The following IQCH variants were observed in gnomAD, a reference collection of about 807,000 sequenced individuals.
The protein encoded by IQCH is IQ domain-containing protein H.
Under a neutral mutation model 117.0 loss-of-function variants are expected in IQCH, and 98 were observed. That is an observed-to-expected ratio of 0.84 (90% confidence interval 0.71 to 0.99). The LOEUF (loss-of-function observed/expected upper bound fraction) is 0.99, where lower values mean the gene tolerates loss of function less well. Ranked by LOEUF, IQCH falls within the 50% of genes least tolerant of loss-of-function variation. The pLI, the probability that IQCH is intolerant of heterozygous loss-of-function variation, is 0.00. For synonymous variants in IQCH, 412 were observed against 448.2 expected (o/e 0.92, Z 1.02); for missense variants, 1,102 against 1,243.8 (o/e 0.89, Z 1.72).
rs1389874768 is a variant in IQCH at position 67,388,529 on chromosome 15, TG to T, written c.1457-300del. ...CCCATTGATGTTAATGGGAGTTGTGTGGCTAAATCCCTATGTATTATTTGAA... is the reference window on the plus strand; with the variant it reads ...CCCATTGATGTTAATGGGAGTTGTGTGCTAAATCCCTATGTATTATTTGAA... On this transcript the variant is annotated intron_variant, in intron 11 of 20. Coordinates refer to ENST00000335894, the MANE Select transcript of IQCH (RefSeq NM_001031715.3). The surrounding 1 kb of genome is among the most constrained non-coding windows in gnomAD (Gnocchi z 5.5). Among the ~76,000 whole-genome samples, 2 of 152,238 alleles carry T rather than the reference TG, an allele frequency of 1.3e-5. No individual in the cohort carries two copies. Among genetic ancestry groups the T allele is most frequent in the African/African-American group, 4.8e-5 (2 of 41,472 alleles).
At chr15:67,488,130 A>G (rs2083544630) in intron 18 of IQCH, among the ~76,000 whole-genome samples, 1 of 152,118 alleles carries the variant, frequency 6.6e-6, no homozygotes, top group Admixed American at 6.5e-5. Flanking sequence ...CTAAGCAACA[A>G]GGCAAAACCC....
Position 67,474,734 on chromosome 15 carries a change from T to C in IQCH, c.2677-962T>C, listed in dbSNP as rs1339367053. Among the ~76,000 whole-genome samples, 2 of 152,170 alleles carry C rather than the reference T, an allele frequency of 1.3e-5. No homozygotes were observed. Among genetic ancestry groups the C allele is most frequent in the East Asian group, 3.8e-4 (2 of 5,196 alleles). ...TGACTTGCTGCCAAAGGTTAAAGTA[T>C]GGGAAGAGTGGGAAAATATCTTTAC... On this transcript the variant is annotated intron_variant, in intron 17 of 20. Transcript: ENST00000335894. This position sits in a 1 kb window ranked among gnomAD's most constrained non-coding sequence, Gnocchi z 4.1.
At chr15:67,486,259 C>G (rs1854204981) in intron 18 of IQCH, among the ~76,000 whole-genome samples, 1 of 151,432 alleles carries the variant, frequency 6.6e-6, no homozygotes, top group Admixed American at 6.6e-5. Context: ...AGGCTGGTCT[C>G]AAACTCCTGA....
Position 67,395,246 on chromosome 15 carries a change from G to GA in IQCH, c.1633-39dup, listed in dbSNP as rs1418819915. ...CATTATAAATTAGGTGTATGGACTA[G>GA]AAAAAAGGACACCTTTTAACAAGAA... On this transcript the variant is annotated intron_variant, in intron 12 of 20. Transcript: ENST00000335894. This position sits in a 1 kb window ranked among gnomAD's most constrained non-coding sequence, Gnocchi z 4.0. 1.3e-6 allele frequency: 2 copies of GA among 1,581,568 alleles called. No individual in the cohort carries two copies.
chr15:67,490,157 C>T lies in IQCH; in HGVS notation c.2861+93C>T. ...GATGCTTCTCATGCATTTTAATCAGCATGCTGATTTATTAGAAGTCTATCT... is the reference window on the plus strand; with the variant it reads ...GATGCTTCTCATGCATTTTAATCAGTATGCTGATTTATTAGAAGTCTATCT... On this transcript the variant is annotated intron_variant, in intron 19 of 20. Coordinates refer to ENST00000335894, the MANE Select transcript of IQCH (RefSeq NM_001031715.3). This position sits in a 1 kb window ranked among gnomAD's most constrained non-coding sequence, Gnocchi z 4.9. 2 of 854,432 alleles carry T rather than the reference C, an allele frequency of 2.3e-6. No individual in the cohort carries two copies. The highest frequency in any genetic ancestry group is 3.9e-6 in the Non-Finnish European group (2 of 511,482). 52.9% of individuals were successfully genotyped at this position (854,432 alleles called of 1,614,324 possible). A position where few individuals can be genotyped will look rare whatever the true frequency, so the allele number is the denominator to read the frequency against.
At chr15:67,336,850 A>T (rs908070625) in intron 4 of IQCH, 125 bp from the exon 5 acceptor site, 14 of 826,986 alleles carry the variant, frequency 1.7e-5, no homozygotes, top group Non-Finnish European at 2.6e-5. Flanking sequence ...ATAAAATTGG[A>T]GCTGATATTG....
chr15:67,310,472 A>G (rs1362079965), intron 4 of IQCH, among the ~76,000 whole-genome samples: 1 of 152,152 alleles, frequency 6.6e-6, no homozygotes, highest in Non-Finnish European at 1.5e-5. Context: ...ATATGTGTGA[A>G]GGTCATAAAG....
chr15:67,352,867 A>G (rs1387922052), intron 6 of IQCH, among the ~76,000 whole-genome samples: 3 of 152,110 alleles, frequency 2.0e-5, no homozygotes, highest in African/African-American at 7.2e-5. Flanking sequence ...TCCATTGTTT[A>G]TATGCATTTA....
At chr15:67,329,203 G>A (rs979840661) in intron 4 of IQCH, among the ~76,000 whole-genome samples, 1 of 151,882 alleles carries the variant, frequency 6.6e-6, no homozygotes, top group Non-Finnish European at 1.5e-5. Flanking sequence ...AGAGGCTGAG[G>A]TAGGAGGATT....
In IQCH at chr15:67,490,912, C is replaced by G. The variant is rs2083636311; in HGVS notation, c.2861+848C>G. 6.6e-6 allele frequency among the ~76,000 whole-genome samples: 1 copy of G among 152,198 alleles called. No homozygotes were observed. Among genetic ancestry groups the G allele is most frequent in the Non-Finnish European group, 1.5e-5 (1 of 68,036 alleles). Reference sequence around the variant, plus strand: ...GATATTTTGGAGCCTAGCAAAGCCTCCTATCTAGGACTCAGAATTTTAGAG... The same window carrying G: ...GATATTTTGGAGCCTAGCAAAGCCTGCTATCTAGGACTCAGAATTTTAGAG... On this transcript the variant is annotated intron_variant, in intron 19 of 20. Coordinates refer to ENST00000335894, the MANE Select transcript of IQCH (RefSeq NM_001031715.3). This position sits in a 1 kb window ranked among gnomAD's most constrained non-coding sequence, Gnocchi z 4.9.
Position 67,401,743 on chromosome 15 carries a change from TA to T in IQCH, c.2097+1439del, listed in dbSNP as rs1184500676. On this transcript the variant is annotated intron_variant, in intron 14 of 20. Transcript: ENST00000335894. The surrounding 1 kb of genome is among the most constrained non-coding windows in gnomAD (Gnocchi z 4.7). The stretch of plus-strand genomic sequence containing the variant: ...GCAGTACCTGTCATGGCCAGCTTTT[TA>T]CATATTATTTAAAAGACACCAAAAT... 2.0e-5 allele frequency among the ~76,000 whole-genome samples: 3 copies of T among 152,220 alleles called. No individual in the cohort carries two copies. Among genetic ancestry groups the T allele is most frequent in the Admixed American group, 1.3e-4 (2 of 15,282 alleles).
chr15:67,330,569 A>G (rs926893303), intron 4 of IQCH, among the ~76,000 whole-genome samples: 2 of 152,156 alleles, frequency 1.3e-5, no homozygotes, highest in Non-Finnish European at 2.9e-5. Context: ...GACCTGAGAA[A>G]GCTGGCAGAG....
Position 67,430,944 on chromosome 15 carries a change from A to G in IQCH, c.2505+9367A>G, listed in dbSNP as rs1202617867. ...AAGGTAATATCAGTTTAACGGCCAA[A>G]TGATTTTTCTACATGCATTCAGACA... On this transcript the variant is annotated intron_variant, in intron 16 of 20. Transcript: ENST00000335894. This position sits in a 1 kb window ranked among gnomAD's most constrained non-coding sequence, Gnocchi z 5.1. Among the ~76,000 whole-genome samples the G allele has an allele frequency of 6.6e-6, 1 of 152,248 alleles. No individual in the cohort carries two copies.
chr15:67,288,888 G>A (rs781682392), intron 4 of IQCH, among the ~76,000 whole-genome samples: 1 of 152,156 alleles, frequency 6.6e-6, no homozygotes, highest in Non-Finnish European at 1.5e-5. Context: ...GAAAGGGTGG[G>A]CTTATGCAAA....
At chr15:67,452,428 A>T (rs1336883410) in intron 16 of IQCH, among the ~76,000 whole-genome samples, 1 of 152,200 alleles carries the variant, frequency 6.6e-6, no homozygotes, top group African/African-American at 2.4e-5. Context: ...TGGTGGTGAC[A>T]GAATCTCTCA....
In IQCH at chr15:67,476,052, A is replaced by G. The variant is rs909328933; in HGVS notation, c.2799+234A>G. Among the ~76,000 whole-genome samples, 3 of 152,242 alleles carry G rather than the reference A, an allele frequency of 2.0e-5. No individual in the cohort carries two copies. Among genetic ancestry groups the G allele is most frequent in the African/African-American group, 7.2e-5 (3 of 41,458 alleles). On this transcript the variant is annotated intron_variant, in intron 18 of 20. Transcript: ENST00000335894. This position sits in a 1 kb window ranked among gnomAD's most constrained non-coding sequence, Gnocchi z 4.1. ...CAATCTTACACACCCACTTTGCTAA[A>G]GCAGAAGCCATGCAAGCTCTCCAGA...
chr15:67,478,283 G>A (rs896094940), intron 18 of IQCH, among the ~76,000 whole-genome samples: 2 of 152,134 alleles, frequency 1.3e-5, no homozygotes, highest in African/African-American at 4.8e-5. Context: ...TACTCAGGAG[G>A]CTGAGGCAGA....
intron 4 of IQCH, among the ~76,000 whole-genome samples, chr15:67,328,655 G>T (rs1968520983): frequency 6.6e-6 from 1 of 152,100 alleles, no homozygotes; most frequent in Non-Finnish European, 1.5e-5. Context: ...GCTAGGTGAG[G>T]CTCAGGTCTT....
At chr15:67,295,112 A>C (rs988412234) in intron 4 of IQCH, among the ~76,000 whole-genome samples, 1 of 152,024 alleles carries the variant, frequency 6.6e-6, no homozygotes, top group South Asian at 2.1e-4. Flanking sequence ...CTCTTTCTTC[A>C]TACCTCCAGC....
Sources: gnomAD v4.1 joint callset for allele counts (sites outside exome capture counted in the v4.1 genomes callset) on GRCh38, gnomAD v4.1.1 for gene constraint, Gnocchi (gnomAD v3.1) non-coding constraint, MANE v1.5 for transcripts, NCBI Gene and HGNC (gene_info 2026-07-23, HGNC 2026-07-21) for gene names.